Variants in G6PC1 observed in about 807,000 individuals in gnomAD.
G6PC1 encodes the protein G-6-Pase.
Under a neutral mutation model 30.4 loss-of-function variants are expected in G6PC1, and 23 were observed. The observed-to-expected ratio is 0.76, with a 90% CI of 0.55 to 1.07. The LOEUF is 1.07. G6PC1 is among the 50% of genes least tolerant of loss of function. The pLI is 0.00. For missense variants in G6PC1, 391 were observed against 433.9 expected, an observed-to-expected ratio of 0.90 and a Z score of 0.88; for synonymous variants, 163 against 175.6, an observed-to-expected ratio of 0.93 and a Z score of 0.57.
chr17:42,913,857 G>A lies in G6PC1; in HGVS notation c.*2431G>A, dbSNP rs996891591. 2.0e-5 allele frequency among the ~76,000 whole-genome samples: 3 copies of A among 152,160 alleles called. No individual in the cohort carries two copies. The highest frequency in any genetic ancestry group is 4.8e-5 in the African/African-American group (2 of 41,438). ...AGGAATGCTCAAGGGAGCTATTGCA[G>A]GTTTCTCTGCTAAGAGATTTATTTC... On this transcript the variant is annotated 3_prime_UTR_variant, in exon 5 of 5. Transcript: ENST00000253801.
chr17:42,903,150 C>T (rs2056037616), intron 1 of G6PC1, among the ~76,000 whole-genome samples: 1 of 147,362 alleles, frequency 6.8e-6, no homozygotes, highest in African/African-American at 2.5e-5. Flanking sequence ...GGCATAATCT[C>T]GGCTCACGGC....
chr17:42,909,007 C>T (rs889222264), intron 3 of G6PC1, among the ~76,000 whole-genome samples: 4 of 151,954 alleles, frequency 2.6e-5, no homozygotes, highest in South Asian at 2.1e-4. Flanking sequence ...CGTGCCTGGT[C>T]AATTTTGATC....
chr17:42,911,034 A>G lies in G6PC1; in HGVS notation c.682A>G (p.Lys228Glu). The change falls in exon 5 of 5, where the codon AAG becomes GAG. Residue 228 changes from lysine (K) to glutamate (E), a missense_variant. Coordinates refer to ENST00000253801, the MANE Select transcript of G6PC1 (RefSeq NM_000151.4). ...CGCCATCGGATTTTATCTGCTGCTC[A>G]AGGGACTGGGTGTAGACCTCCTGTG... ...SFAIGFYLLL[K>E]GLGVDLLWTL... 3.1e-6 allele frequency: 5 copies of G among 1,614,138 alleles called. No individual in the cohort carries two copies. Among genetic ancestry groups the G allele is most frequent in the Non-Finnish European group, 4.2e-6 (5 of 1,180,016 alleles).
chr17:42,903,373 C>T (rs562572793), intron 1 of G6PC1, among the ~76,000 whole-genome samples: 209 of 151,766 alleles, frequency 1.4e-3, no homozygotes, highest in Middle Eastern at 3.4e-3. Flanking sequence ...TGTGAGCCAC[C>T]GCGCCTGCCT....
At chr17:42,909,507 C>T in intron 4 of G6PC1, 89 bp downstream of exon 4, 1 of 940,740 alleles carries the variant, frequency 1.1e-6, no homozygotes. Context: ...ATTCCAGCCA[C>T]ATCCTGTGTG....
intron 2 of G6PC1, among the ~76,000 whole-genome samples, chr17:42,905,506 CAAAAAAA>C (rs555446125): frequency 1.5e-5 from 1 of 66,512 alleles, no homozygotes; most frequent in Non-Finnish European, 3.0e-5. Context: ...TGTTTATAGG[CAAAAAAA>C]AAAAAAAAGA....
chr17:42,909,166 T>C, intron 3 of G6PC1, 137 bp from the exon 4 acceptor site: 1 of 781,512 alleles, frequency 1.3e-6, no homozygotes, highest in Non-Finnish European at 2.3e-6. Flanking sequence ...CTTTGGACTT[T>C]TGAGTACTGG....
At position 42,904,941 on chromosome 17, in the gene G6PC1, G is replaced by T. The variant is rs75464628; in HGVS notation, c.340+901G>T. 4.1e-3 allele frequency among the ~76,000 whole-genome samples: 622 copies of T among 152,096 alleles called. 3 individuals carry two copies. Among genetic ancestry groups the T allele is most frequent in the African/African-American group, 0.015 (604 of 41,480 alleles). On this transcript the variant is annotated intron_variant, in intron 2 of 4. Coordinates refer to ENST00000253801, the MANE Select transcript of G6PC1 (RefSeq NM_000151.4). ...AGCCTGGCCAACATTGCAAAATCCT[G>T]TCTTTACTAAAAATGGAAAAATTGG...
At chr17:42,906,488 C>G (rs1290345535) in intron 2 of G6PC1, among the ~76,000 whole-genome samples, 4 of 152,170 alleles carry the variant, frequency 2.6e-5, no homozygotes, top group Non-Finnish European at 5.9e-5. Context: ...CCATCACACT[C>G]TCAACAGCTA....
In G6PC1 at chr17:42,911,543, G is replaced by T. The variant is rs987892731; in HGVS notation, c.*117G>T. 3 of 1,492,500 alleles carry T rather than the reference G, an allele frequency of 2.0e-6. No individual in the cohort carries two copies. Among genetic ancestry groups the T allele is most frequent in the Non-Finnish European group, 2.8e-6 (3 of 1,085,486 alleles). 92.5% of individuals were successfully genotyped at this position (1,492,500 alleles called of 1,614,324 possible). A position where few individuals can be genotyped will look rare whatever the true frequency, so the allele number is the denominator to read the frequency against. ...CAAGTGACATGCCATCCATTCTGCC[G>T]TCGTGGAATTAAATCACGGATGGCA... On this transcript the variant is annotated 3_prime_UTR_variant, in exon 5 of 5. Transcript: ENST00000253801.
intron 2 of G6PC1, among the ~76,000 whole-genome samples, chr17:42,904,705 T>A (rs958155219): frequency 2.6e-5 from 4 of 152,174 alleles, no homozygotes; most frequent in African/African-American, 4.8e-5. Context: ...AGCTATACAC[T>A]GTTCTATGTG....
In G6PC1 at chr17:42,913,900, C is replaced by T. The variant is rs143133684; in HGVS notation, c.*2474C>T. Among the ~76,000 whole-genome samples the T allele has an allele frequency of 6.8e-3, 1,033 of 152,178 alleles. 18 individuals are homozygous for T. Among genetic ancestry groups the T allele is most frequent in the African/African-American group, 0.023 (961 of 41,518 alleles). Reference sequence around the variant, plus strand: ...TTTATTTCATCCTGGGTGCAGGGTTCGACCTCCAAAGGCCTCAAATCATCA... The same window carrying T: ...TTTATTTCATCCTGGGTGCAGGGTTTGACCTCCAAAGGCCTCAAATCATCA... On this transcript the variant is annotated 3_prime_UTR_variant, in exon 5 of 5. Transcript: ENST00000253801.
chr17:42,900,910 G>C lies in G6PC1; in HGVS notation c.34G>C (p.Gly12Arg). ...EEGMNVLHDF[G>R]IQSTHYLQVN... is the part of the protein sequence containing the mutation. ...AGGAATGAATGTTCTCCATGACTTT[G>C]GGATCCAGTCAACACATTACCTCCA... Residue 12 changes from glycine to arginine, a missense_variant, in exon 1 of 5, where the codon GGG becomes CGG. Coordinates refer to ENST00000253801, the MANE Select transcript of G6PC1 (RefSeq NM_000151.4). 1.9e-6 allele frequency: 3 copies of C among 1,614,086 alleles called. No homozygotes were observed. The highest frequency in any genetic ancestry group is 2.5e-6 in the Non-Finnish European group (3 of 1,180,004).
chr17:42,901,212 G>A (rs757977142), intron 1 of G6PC1, 106 bp downstream of exon 1: 7 of 956,464 alleles, frequency 7.3e-6, no homozygotes, highest in Middle Eastern at 2.9e-4. Flanking sequence ...AGGAAGCCAC[G>A]GGCTACTCAT....
At chr17:42,906,172 C>A (rs1317739620) in intron 2 of G6PC1, among the ~76,000 whole-genome samples, 3 of 151,726 alleles carry the variant, frequency 2.0e-5, no homozygotes, top group Admixed American at 6.6e-5. Context: ...GGGAAGAAAG[C>A]CTTTATTTAT....
Position 42,910,932 on chromosome 17 carries a change from A to C in G6PC1, c.580A>C (p.Thr194Pro), listed in dbSNP as rs1597991619. The C allele has an allele frequency of 2.5e-6, 4 of 1,614,142 alleles. No homozygotes were observed. Among genetic ancestry groups the C allele is most frequent in the Non-Finnish European group, 3.4e-6 (4 of 1,180,006 alleles). Residue 194 changes from threonine to proline, a missense_variant, in exon 5 of 5, where the codon ACT becomes CCT. Thr to Pro is a conservative substitution (Grantham distance 38). Transcript: ENST00000253801. Reference sequence around the variant, plus strand: ...CCACTCAGGCATTGCTGTTGCAGAAACTTTCAGCCACATCCACAGCATCTA... The same window carrying C: ...CCACTCAGGCATTGCTGTTGCAGAACCTTTCAGCCACATCCACAGCATCTA... Reference protein sequence around the residue: ...GVLSGIAVAETFSHIHSIYNA... With the variant: ...GVLSGIAVAEPFSHIHSIYNA...
rs1047399339 is a variant in G6PC1 at position 42,910,838 on chromosome 17, C to T, written c.563-77C>T. The T allele has an allele frequency of 4.4e-6, 6 of 1,375,514 alleles. No individual in the cohort carries two copies. The African/African-American group carries it at 8.5e-5, about 20-fold the overall frequency. 85.2% of individuals were successfully genotyped at this position (1,375,514 alleles called of 1,614,324 possible). On this transcript the variant is annotated intron_variant, in intron 4 of 4. Transcript: ENST00000253801. Reference sequence around the variant, plus strand: ...CAGTCGCAGAACGGATGGCATGTCACCCACTCCTCCAAACCCACCTCTAGC... The same window carrying T: ...CAGTCGCAGAACGGATGGCATGTCATCCACTCCTCCAAACCCACCTCTAGC...
Position 42,907,638 on chromosome 17 carries a change from C to T in G6PC1, c.446+10C>T. On this transcript the variant is annotated intron_variant, in intron 3 of 4. Transcript: ENST00000253801. ...CGACCTACAGATTTCGGTAAGAACT[C>T]ACCACTGGGGTGTAGGTGGTGGAGG... The T allele has an allele frequency of 6.3e-7, 1 of 1,588,336 alleles. No homozygotes were observed. The highest frequency in any genetic ancestry group is 8.6e-7 in the Non-Finnish European group (1 of 1,157,238).
At chr17:42,901,244 CTT>C (rs1318830779) in intron 1 of G6PC1, 138 bp downstream of exon 1, 2 of 765,272 alleles carry the variant, frequency 2.6e-6, no homozygotes, top group East Asian at 5.1e-5. Context: ...CTCTCTCTGA[CTT>C]TGGATCATCT....
Sources: gnomAD v4.1 joint callset for allele counts (sites outside exome capture counted in the v4.1 genomes callset) on GRCh38, gnomAD v4.1.1 for gene constraint, MANE v1.5 for transcripts, NCBI Gene and HGNC (gene_info 2026-07-23, HGNC 2026-07-21) for gene names.